Variants in UBE2G2 observed in about 807,000 individuals in gnomAD.
The protein encoded by UBE2G2 is ubiquitin conjugating enzyme E2 G2.
A neutral mutation model predicts 23.0 loss-of-function variants in UBE2G2; 10 were observed. The observed-to-expected ratio is 0.43, with a 90% CI of 0.27 to 0.74. The LOEUF (loss-of-function observed/expected upper bound fraction) is 0.74. Ranked by LOEUF, UBE2G2 falls within the 30% of genes least tolerant of loss-of-function variation. The probability of loss-of-function intolerance (pLI) is 0.19; values close to 1 mark genes in which losing one functional copy is unlikely to be tolerated. For synonymous variants in UBE2G2, 86 were observed against 81.3 expected, an observed-to-expected ratio of 1.06 and a Z score of -0.31; for missense variants, 150 against 218.3, an observed-to-expected ratio of 0.69 and a Z score of 1.97.
At chr21:44,790,527 C>T (rs1209026147) in intron 1 of UBE2G2, among the ~76,000 whole-genome samples, 6 of 152,194 alleles carry the variant, frequency 3.9e-5, no homozygotes, top group African/African-American at 1.4e-4. Flanking sequence ...GTGACTGGAT[C>T]ATGGGGGCAA....
chr21:44,793,508 G>A (rs185771044), intron 1 of UBE2G2, among the ~76,000 whole-genome samples: 4 of 152,328 alleles, frequency 2.6e-5, no homozygotes, highest in African/African-American at 9.6e-5. Context: ...GCCTCTACTG[G>A]TCAATAAAGA....
Position 44,771,238 on chromosome 21 carries a change from T to C in UBE2G2, c.*139A>G, listed in dbSNP as rs2082871559. On this transcript the variant is annotated 3_prime_UTR_variant, in exon 6 of 6. Coordinates refer to ENST00000345496, the MANE Select transcript of UBE2G2 (RefSeq NM_003343.6). The surrounding 1 kb of genome is among the most constrained non-coding windows in gnomAD (Gnocchi z 4.6). ...GAAGCCTGTTTGAAGTAGGAAAGGT[T>C]TGAAAAAAAAAAAAGATGCCATGGT... 2 of 735,288 alleles carry C rather than the reference T, an allele frequency of 2.7e-6. No individual in the cohort carries two copies. Among genetic ancestry groups the C allele is most frequent in the South Asian group, 3.7e-5 (2 of 54,432 alleles). 45.5% of individuals were successfully genotyped at this position (735,288 alleles called of 1,614,324 possible).
intron 3 of UBE2G2, among the ~76,000 whole-genome samples, chr21:44,782,916 A>C (rs1054800361): frequency 2.4e-4 from 37 of 152,246 alleles, no homozygotes; most frequent in Non-Finnish European, 1.2e-4. Flanking sequence ...ATAAGAAAAA[A>C]AATGCAAAAT....
chr21:44,773,500 C>T, intron 5 of UBE2G2, 47 bp downstream of exon 5: 4 of 1,579,576 alleles, frequency 2.5e-6, no homozygotes, highest in Non-Finnish European at 3.4e-6. Context: ...AGAACACCTG[C>T]AGCCTGGGTG....
In UBE2G2 at chr21:44,772,567, C is replaced by T. The variant is rs1235417122; in HGVS notation, c.385+980G>A. Reference sequence around the variant, plus strand: ...TCCGTCCTACTCCATCACCTACTGCCTCATCCAGAAATGACCCCACATCTT... The same window carrying T: ...TCCGTCCTACTCCATCACCTACTGCTTCATCCAGAAATGACCCCACATCTT... On this transcript the variant is annotated intron_variant, in intron 5 of 5. Transcript: ENST00000345496. The surrounding 1 kb of genome is among the most constrained non-coding windows in gnomAD (Gnocchi z 5.4). Among the ~76,000 whole-genome samples the T allele has an allele frequency of 5.9e-5, 9 of 152,134 alleles. No homozygotes were observed. The highest frequency in any genetic ancestry group is 2.2e-4 in the African/African-American group (9 of 41,416).
intron 1 of UBE2G2, among the ~76,000 whole-genome samples, chr21:44,797,078 T>G (rs782701146): frequency 2.0e-5 from 3 of 152,238 alleles, no homozygotes; most frequent in Admixed American, 6.5e-5. Context: ...ACCGAAGTAC[T>G]AGAAAGTGCT....
intron 1 of UBE2G2, among the ~76,000 whole-genome samples, chr21:44,795,866 A>T (rs898148141): frequency 1.3e-5 from 2 of 152,242 alleles, no homozygotes; most frequent in South Asian, 4.1e-4. Context: ...CATTTAGGAC[A>T]TGCACACAGG....
chr21:44,794,083 C>T (rs2083066523), intron 1 of UBE2G2, among the ~76,000 whole-genome samples: 1 of 152,154 alleles, frequency 6.6e-6, no homozygotes, highest in Non-Finnish European at 1.5e-5. Context: ...TAGGGTGGAC[C>T]TTAATCCAAT....
chr21:44,774,804 G>T, intron 4 of UBE2G2: 1 of 443,852 alleles, frequency 2.3e-6, no homozygotes, highest in Non-Finnish European at 4.5e-6. Context: ...TCCAGGAGTT[G>T]GTCCCATAGG....
In UBE2G2 at chr21:44,769,724, T is replaced by C. The variant is rs1331824951; in HGVS notation, c.*1653A>G. 1 of 152,206 alleles carries C rather than the reference T, an allele frequency of 6.6e-6. No homozygotes were observed. Among genetic ancestry groups the C allele is most frequent in the African/African-American group, 2.4e-5 (1 of 41,432 alleles). 9.4% of individuals were successfully genotyped at this position (152,206 alleles called of 1,614,324 possible). On this transcript the variant is annotated 3_prime_UTR_variant, in exon 6 of 6. Transcript: ENST00000345496. ...TTGTGAGAAGGAAAAGAATCTGCTGTCCACAGAAGCCAGGCGTGGAGCTAC... is the reference window on the plus strand; with the variant it reads ...TTGTGAGAAGGAAAAGAATCTGCTGCCCACAGAAGCCAGGCGTGGAGCTAC...
At chr21:44,797,044 G>T (rs2083095964) in intron 1 of UBE2G2, among the ~76,000 whole-genome samples, 2 of 152,158 alleles carry the variant, frequency 1.3e-5, no homozygotes, top group South Asian at 4.1e-4. Flanking sequence ...TTACTAACCT[G>T]ACTTGCATCT....
intron 1 of UBE2G2, among the ~76,000 whole-genome samples, chr21:44,795,133 C>T (rs557280004): frequency 6.6e-6 from 1 of 151,930 alleles, no homozygotes; most frequent in Non-Finnish European, 1.5e-5. Context: ...TGTGGTGGCA[C>T]GCGCCTATAG....
At chr21:44,797,607 C>T (rs926824359) in intron 1 of UBE2G2, among the ~76,000 whole-genome samples, 5 of 147,868 alleles carry the variant, frequency 3.4e-5, no homozygotes, top group East Asian at 2.0e-4. Flanking sequence ...CCCAGCTACA[C>T]GGGAGGCTGA....
chr21:44,801,601 G>A (rs966041565), intron 1 of UBE2G2, 105 bp downstream of exon 1: 14 of 1,380,728 alleles, frequency 1.0e-5, no homozygotes, highest in Non-Finnish European at 1.3e-5. Context: ...TGGAGGCCCC[G>A]GGCCCGGCTC....
intron 4 of UBE2G2, chr21:44,774,904 C>T (rs1169198077): frequency 1.1e-5 from 4 of 352,302 alleles, no homozygotes; most frequent in Non-Finnish European, 2.2e-5. Context: ...ATGTCCTAAA[C>T]CTCTCGTGGA....
Position 44,783,595 on chromosome 21 carries a change from A to G in UBE2G2, c.125+4325T>C, listed in dbSNP as rs76938906. Among the ~76,000 whole-genome samples, 151 of 152,374 alleles carry G rather than the reference A, an allele frequency of 9.9e-4. 2 individuals carry two copies. In the East Asian group the frequency reaches 0.027, roughly 27 times the overall value. ...GGATGAACTGCAAATACATTCTGCC[A>G]AGTACAAGAAGCCAGGCACAGATGA... On this transcript the variant is annotated intron_variant, in intron 3 of 5. Coordinates refer to ENST00000345496, the MANE Select transcript of UBE2G2 (RefSeq NM_003343.6).
chr21:44,794,910 T>C (rs1349757984), intron 1 of UBE2G2, among the ~76,000 whole-genome samples: 2 of 152,146 alleles, frequency 1.3e-5, no homozygotes, highest in Non-Finnish European at 2.9e-5. Context: ...AAAAGACATA[T>C]GGATGGCAAA....
intron 1 of UBE2G2, among the ~76,000 whole-genome samples, chr21:44,791,476 C>T (rs2083044384): frequency 6.6e-6 from 1 of 152,224 alleles, no homozygotes. Context: ...AGGTACAGCT[C>T]AGGCTGTTGC....
chr21:44,801,565 C>T, intron 1 of UBE2G2, 141 bp downstream of exon 1: 1 of 1,246,390 alleles, frequency 8.0e-7, no homozygotes, highest in Non-Finnish European at 1.0e-6. Flanking sequence ...CGCGGCACTC[C>T]GCGGGACCCA....
Sources: gnomAD v4.1 joint callset for allele counts (sites outside exome capture counted in the v4.1 genomes callset) on GRCh38, gnomAD v4.1.1 for gene constraint, Gnocchi (gnomAD v3.1) non-coding constraint, MANE v1.5 for transcripts, NCBI Gene and HGNC (gene_info 2026-07-23, HGNC 2026-07-21) for gene names.